The following WDR62 variants were observed in gnomAD, a reference collection of about 807,000 sequenced individuals.
WDR62 encodes the protein WD repeat domain 62.
Under a neutral mutation model 160.6 loss-of-function variants are expected in WDR62, and 112 were observed. That is an observed-to-expected ratio of 0.70 (90% CI 0.60 to 0.82). The LOEUF is 0.82. Ranked by LOEUF, WDR62 falls within the 40% of genes least tolerant of loss-of-function variation. The probability of loss-of-function intolerance (pLI) is 0.00; values close to 1 mark genes in which losing one functional copy is unlikely to be tolerated. For synonymous variants in WDR62, 792 were observed against 815.1 expected (o/e 0.97, Z 0.48); for missense variants, 1,819 against 1,983.8 (o/e 0.92, Z 1.58).
At chr19:36,107,198 C>T (rs1273446174), downstream of WDR62, among the ~76,000 whole-genome samples, 2 of 152,208 alleles carry the variant, frequency 1.3e-5, no homozygotes, top group Non-Finnish European at 2.9e-5. Context: ...CTGTTATCCT[C>T]TGTGAGCAAG....
Position 36,103,661 on chromosome 19 carries a change from G to C in WDR62, c.3833G>C (p.Ser1278Thr). Residue 1278 changes from serine to threonine, a missense_variant, in exon 30 of 32, where the codon AGT becomes ACT. By Grantham distance (58) the Ser-to-Thr change is moderately conservative (BLOSUM62 1). Coordinates refer to ENST00000401500, the MANE Select transcript of WDR62 (RefSeq NM_001083961.2). ...ACCGCGACAACACCCAGTTTGGACA[G>C]TGAGGGCCAAGAGCCTGCCCTGCGT... ...ITTATTPSLDSEGQEPALRSW... is the reference protein window; with the variant it reads ...ITTATTPSLDTEGQEPALRSW... The C allele has an allele frequency of 6.2e-7, 1 of 1,610,406 alleles. No individual in the cohort carries two copies. The highest frequency in any genetic ancestry group is 8.5e-7 in the Non-Finnish European group (1 of 1,180,016).
intron 7 of WDR62, among the ~76,000 whole-genome samples, chr19:36,069,488 G>T (rs1375403299): frequency 6.6e-6 from 1 of 151,710 alleles, no homozygotes; most frequent in African/African-American, 2.4e-5. Flanking sequence ...CCGGGAAGAG[G>T]CGCTCCTCAC....
At chr19:36,062,463 A>G (rs1377186153) in intron 3 of WDR62, 3 of 151,702 alleles carry the variant, frequency 2.0e-5, no homozygotes, top group African/African-American at 7.3e-5. Context: ...CAGCCTGGGG[A>G]ACATGGCAAA....
chr19:36,110,396 G>A, the WDR62 span, among the ~76,000 whole-genome samples: 4 of 151,966 alleles, frequency 2.6e-5, no homozygotes, highest in African/African-American at 7.3e-5. Context: ...GTTTGAACCC[G>A]GGAGGTGGAG....
downstream of WDR62, among the ~76,000 whole-genome samples, chr19:36,106,070 G>A (rs141848077): frequency 6.8e-4 from 104 of 152,312 alleles, no homozygotes; most frequent in African/African-American, 2.4e-3. Flanking sequence ...GTATGATCCT[G>A]GCAGCAGGCC....
At chr19:36,109,918 A>G (rs1973778489), downstream of WDR62, among the ~76,000 whole-genome samples, 1 of 150,466 alleles carries the variant, frequency 6.6e-6, no homozygotes, top group East Asian at 2.0e-4. Flanking sequence ...AGCTGGGTGC[A>G]GTGGTGTGCC....
At chr19:36,106,804 T>C (rs1474501913), downstream of WDR62, among the ~76,000 whole-genome samples, 5 of 152,206 alleles carry the variant, frequency 3.3e-5, no homozygotes, top group South Asian at 6.2e-4. Flanking sequence ...TTTTTTGTTT[T>C]TGGGTTTGTT....
At chr19:36,063,146 T>C (rs1183364398) in intron 3 of WDR62, among the ~76,000 whole-genome samples, 2 of 152,214 alleles carry the variant, frequency 1.3e-5, no homozygotes, top group Non-Finnish European at 2.9e-5. Context: ...GGTTTCCCCA[T>C]GTTGGCCAGG....
intron 7 of WDR62, 144 bp downstream of exon 7, chr19:36,068,154 C>T (rs1971045773): frequency 9.2e-7 from 1 of 1,082,860 alleles, no homozygotes; most frequent in African/African-American, 1.6e-5. Context: ...TAAGGTTCCA[C>T]ATCTGTAAAA....
rs10423651 is a variant in WDR62 at position 36,067,810 on chromosome 19, C to T, written c.700-18C>T. 486,775 of 1,612,366 alleles carry T rather than the reference C, an allele frequency of 0.3. 75,105 individuals are homozygous for T. Among genetic ancestry groups the T allele is most frequent in the Non-Finnish European group, 0.32 (376,328 of 1,179,294 alleles). ...AGCTGTGTGGACAAGTATCTCACTACGCCCTCTGTGTCTCCAGGTGACGAG... is the reference window on the plus strand; with the variant it reads ...AGCTGTGTGGACAAGTATCTCACTATGCCCTCTGTGTCTCCAGGTGACGAG... On this transcript the variant is annotated intron_variant, in intron 6 of 31. Transcript: ENST00000401500.
chr19:36,110,875 CCCCCTGGGG>C, the WDR62 span, among the ~76,000 whole-genome samples: 1 of 152,080 alleles, frequency 6.6e-6, no homozygotes, highest in African/African-American at 2.4e-5. Flanking sequence ...GGGAGACAGT[CCCCCTGGGG>C]CCTTGTTTCT....
rs35753706 is a variant in WDR62, at chr19:36,085,414, CTTTTTTT to C, written c.1642+687_1642+693del. On this transcript the variant is annotated intron_variant, in intron 12 of 31. Transcript: ENST00000401500. ...TAGGGCATGAGCCACCACACCTGAC[CTTTTTTT>C]TTTTTTTTTTTTTTTTGAGACAAGA... is the stretch of plus-strand genomic sequence containing the variant. Among the ~76,000 whole-genome samples the C allele has an allele frequency of 2.0e-4, 14 of 70,380 alleles. 2 individuals are homozygous for C. Among genetic ancestry groups the C allele is most frequent in the East Asian group, 1.6e-3 (2 of 1,290 alleles). 46.2% of individuals were successfully genotyped at this position (70,380 alleles called of 152,430 possible). A position where few individuals can be genotyped will look rare whatever the true frequency, so the allele number is the denominator to read the frequency against.
At position 36,068,349 on chromosome 19, in the gene WDR62, AT is replaced by A. The variant is rs566847269; in HGVS notation, c.882+348del. Among the ~76,000 whole-genome samples the A allele has an allele frequency of 3.4e-3, 518 of 151,124 alleles. 3 individuals carry two copies. The highest frequency in any genetic ancestry group is 0.011 in the African/African-American group (459 of 41,150). ...AGCACTCTGGCTGGTAGAGGATTGC[AT>A]TTTTTTTTAATTAATTTATTTTTTT... On this transcript the variant is annotated intron_variant, in intron 7 of 31. Transcript: ENST00000401500.
intron 7 of WDR62, 105 bp downstream of exon 7, chr19:36,068,115 A>G (rs997483014): frequency 2.9e-5 from 40 of 1,368,560 alleles, no homozygotes; most frequent in Non-Finnish European, 4.0e-5. Context: ...TTATGTGACT[A>G]GTGGTGAATG....
At chr19:36,084,790 C>CTA (rs1568348996) in intron 12 of WDR62, 46 bp downstream of exon 12, 8 of 1,569,052 alleles carry the variant, frequency 5.1e-6, no homozygotes, top group Non-Finnish European at 7.0e-6. Flanking sequence ...AGGGAGGCAG[C>CTA]CCCCCTGGCA....
rs751506482 is a variant in WDR62 at position 36,104,728 on chromosome 19, C to T, written c.4312-40C>T. The T allele has an allele frequency of 2.0e-5, 32 of 1,613,738 alleles. No homozygotes were observed. In the East Asian group the frequency reaches 5.1e-4, roughly 26 times the overall value. The stretch of plus-strand genomic sequence containing the variant: ...GGTTGAGGGGTCTCTTGAGACCGCC[C>T]GGCCTTGGTGGCCCCTGACAAGGCT... On this transcript the variant is annotated intron_variant, in intron 31 of 31. Coordinates refer to ENST00000401500, the MANE Select transcript of WDR62 (RefSeq NM_001083961.2).
Position 36,100,773 on chromosome 19 carries a change from G to T in WDR62, c.2765G>T (p.Arg922Leu). Residue 922 changes from arginine to leucine, a missense_variant, in exon 23 of 32, where the codon CGC becomes CTC. Physicochemically the swap from Arg to Leu is moderately radical, Grantham distance 102 (BLOSUM62 -2). This residue lies in a region of WDR62 where 934 missense variants were observed against 1,157.2 expected (regional missense o/e 0.81). Coordinates refer to ENST00000401500, the MANE Select transcript of WDR62 (RefSeq NM_001083961.2). ...SESESPQEAG[R>L]GHPSFLPQQK... The stretch of plus-strand genomic sequence containing the variant: ...TCAGAGAGTCCCCAGGAAGCTGGCC[G>T]CGGGCACCCCTCCTTCCTGCCCCAG... 6.2e-7 allele frequency: 1 copy of T among 1,614,144 alleles called. No homozygotes were observed. Among genetic ancestry groups the T allele is most frequent in the East Asian group, 2.2e-5 (1 of 44,882 alleles).
chr19:36,080,973 T>G (rs1027053775), intron 9 of WDR62, among the ~76,000 whole-genome samples: 1 of 152,204 alleles, frequency 6.6e-6, no homozygotes, highest in African/African-American at 2.4e-5. Flanking sequence ...GTCTGTTTGT[T>G]TTGAGACACA....
chr19:36,084,804 C>T, intron 12 of WDR62, 60 bp downstream of exon 12: 1 of 1,499,802 alleles, frequency 6.7e-7, no homozygotes, highest in South Asian at 1.1e-5. Flanking sequence ...CCTGGCAGGG[C>T]CACAGAAAGG....
Sources: gnomAD v4.1 joint callset for allele counts (sites outside exome capture counted in the v4.1 genomes callset) on GRCh38, gnomAD v4.1.1 for gene constraint, gnomAD v4.1.1 regional missense constraint, MANE v1.5 for transcripts, NCBI Gene and HGNC (gene_info 2026-07-23, HGNC 2026-07-21) for gene names.